NPAS3: variants seen among roughly 807,000 people sequenced by gnomAD.
NPAS3 encodes the protein neuronal PAS domain protein 3.
A neutral mutation model predicts 73.1 loss-of-function variants in NPAS3; 14 were observed. The observed-to-expected ratio is 0.19, with a 90% CI of 0.13 to 0.30. The LOEUF (loss-of-function observed/expected upper bound fraction) is 0.30. Ranked by LOEUF, NPAS3 falls within the 10% of genes least tolerant of loss-of-function variation. NPAS3 has a pLI of 1.00. For synonymous variants in NPAS3, 620 were observed against 541.5 expected, an observed-to-expected ratio of 1.14 and a Z score of -2.01; for missense variants, 1,096 against 1,250.0, an observed-to-expected ratio of 0.88 and a Z score of 1.86.
chr14:33,502,536 A>G (rs757227017), intron 4 of NPAS3, among the ~76,000 whole-genome samples: 4 of 151,968 alleles, frequency 2.6e-5, no homozygotes, highest in Non-Finnish European at 5.9e-5. Flanking sequence ...GCCCAAAATA[A>G]AATGATTGCA....
intron 7 of NPAS3, among the ~76,000 whole-genome samples, chr14:33,772,617 A>T (rs953107202): frequency 6.6e-6 from 1 of 152,254 alleles, no homozygotes; most frequent in Non-Finnish European, 1.5e-5. Flanking sequence ...AACAAGACAG[A>T]TAATGATAAA....
intron 4 of NPAS3, among the ~76,000 whole-genome samples, chr14:33,475,849 C>G (rs925768506): frequency 1.3e-5 from 2 of 152,112 alleles, no homozygotes; most frequent in Non-Finnish European, 2.9e-5. Flanking sequence ...ATTCAGCCAC[C>G]AGAGGGGGCA....
Position 33,649,470 on chromosome 14 carries a change from G to C in NPAS3, c.559-26741G>C, listed in dbSNP as rs117251867. Reference sequence around the variant, plus strand: ...ACGGTACTGTAACAAATGTATAAAAGATGCTATTCCCATCTCATGTCACAA... The same window carrying C: ...ACGGTACTGTAACAAATGTATAAAACATGCTATTCCCATCTCATGTCACAA... On this transcript the variant is annotated intron_variant, in intron 5 of 11. Transcript: ENST00000356141. 2.3e-4 allele frequency among the ~76,000 whole-genome samples: 35 copies of C among 152,308 alleles called. 1 individual carries two copies. In the East Asian group the frequency reaches 6.8e-3, roughly 29 times the overall value.
Position 33,263,551 on chromosome 14 carries a change from C to T in NPAS3, c.385+48125C>T, listed in dbSNP as rs370169428. The stretch of plus-strand genomic sequence containing the variant: ...TGTAGTATAGTTTGAAGTCAGGTAG[C>T]GTGATGCCTCCAGCTTTGTTCTTTT... On this transcript the variant is annotated intron_variant, in intron 3 of 11. Coordinates refer to ENST00000356141, the Ensembl canonical transcript of NPAS3. 4.5e-3 allele frequency among the ~76,000 whole-genome samples: 678 copies of T among 152,150 alleles called. 3 individuals are homozygous for T. Among genetic ancestry groups the T allele is most frequent in the African/African-American group, 0.015 (640 of 41,492 alleles).
chr14:33,800,950 G>A lies in NPAS3; in HGVS notation c.2643G>A (p.Met881Ile). ...ACCACCACGTGCACCGGCTCAACAT[G>A]TCAGGACCGTTCGGCGGCGCAGTGA... is the stretch of plus-strand genomic sequence containing the variant. The change falls in exon 12 of 12, where the codon ATG becomes ATA. Residue 881 changes from methionine (M) to isoleucine (I), a missense_variant. By Grantham distance (10) the Met-to-Ile change is conservative (BLOSUM62 1). Coordinates refer to ENST00000356141, the Ensembl canonical transcript of NPAS3. The surrounding 1 kb of genome is among the most constrained non-coding windows in gnomAD (Gnocchi z 6.5). The A allele has an allele frequency of 6.2e-7, 1 of 1,605,016 alleles. No individual in the cohort carries two copies. The highest frequency in any genetic ancestry group is 8.5e-7 in the Non-Finnish European group (1 of 1,176,376).
chr14:33,522,261 T>G (rs73267050), intron 4 of NPAS3, among the ~76,000 whole-genome samples: 6,196 of 152,254 alleles, frequency 0.041, 383 homozygotes, highest in African/African-American at 0.14. Context: ...TCATATTTCA[T>G]ATGACCAGTA....
intron 1 of NPAS3, among the ~76,000 whole-genome samples, chr14:32,967,530 C>T (rs2037226391): frequency 6.6e-6 from 1 of 152,134 alleles, no homozygotes; most frequent in African/African-American, 2.4e-5. Flanking sequence ...GGCAAGACAT[C>T]TGAATAGCTA....
chr14:32,946,725 T>A (rs2139105349), intron 1 of NPAS3, among the ~76,000 whole-genome samples: 1 of 152,326 alleles, frequency 6.6e-6, no homozygotes, highest in African/African-American at 2.4e-5. Context: ...ATTGGATTCA[T>A]TTTTTACATT....
chr14:33,677,663 G>A (rs2059807604), intron 6 of NPAS3, among the ~76,000 whole-genome samples: 1 of 151,390 alleles, frequency 6.6e-6, no homozygotes, highest in African/African-American at 2.4e-5. Flanking sequence ...AGTATTTTAA[G>A]AACCAATCCA....
chr14:33,182,148 A>G (rs2045821050), intron 2 of NPAS3, among the ~76,000 whole-genome samples: 1 of 152,254 alleles, frequency 6.6e-6, no homozygotes, highest in African/African-American at 2.4e-5. Flanking sequence ...AAATCAATTG[A>G]ATGAATAAAC....
At chr14:33,434,634 T>TAAAA (rs2048910868) in intron 4 of NPAS3, among the ~76,000 whole-genome samples, 1 of 152,226 alleles carries the variant, frequency 6.6e-6, no homozygotes, top group Non-Finnish European at 1.5e-5. Flanking sequence ...ATTCACCCAT[T>TAAAA]AAAATTCACA....
chr14:33,697,298 G>A (rs1446681303), intron 6 of NPAS3, among the ~76,000 whole-genome samples: 1 of 152,150 alleles, frequency 6.6e-6, no homozygotes, highest in East Asian at 1.9e-4. Flanking sequence ...TTGCCCCCAG[G>A]CAGCTTGGAC....
chr14:33,161,045 C>T (rs11625732), intron 2 of NPAS3, among the ~76,000 whole-genome samples: 14,252 of 151,822 alleles, frequency 0.094, 736 homozygotes, highest in African/African-American at 0.14. Flanking sequence ...ATAACAGATA[C>T]TTTAGTATGC....
At chr14:33,690,871 TA>T (rs11361786) in intron 6 of NPAS3, among the ~76,000 whole-genome samples, 97,596 of 142,004 alleles carry the variant, frequency 0.69, 33,742 homozygotes, top group East Asian at 0.75. Context: ...TAAAATTTGT[TA>T]AAAAAAAAAA....
At chr14:33,348,399 C>G (rs1046222253) in intron 3 of NPAS3, among the ~76,000 whole-genome samples, 5 of 152,038 alleles carry the variant, frequency 3.3e-5, no homozygotes, top group African/African-American at 1.2e-4. Context: ...TGTCTTTAAA[C>G]CCTATGTAGA....
intron 4 of NPAS3, among the ~76,000 whole-genome samples, chr14:33,453,469 A>T (rs1200274447): frequency 6.6e-6 from 1 of 152,100 alleles, no homozygotes; most frequent in Non-Finnish European, 1.5e-5. Flanking sequence ...AATATTTCCT[A>T]TTATTTAGTA....
chr14:33,360,073 C>T (rs1302705999), intron 3 of NPAS3, among the ~76,000 whole-genome samples: 4 of 152,208 alleles, frequency 2.6e-5, no homozygotes, highest in African/African-American at 9.6e-5. Flanking sequence ...CACTGGCCTC[C>T]GCTGACACAC....
At chr14:33,507,879 C>T (rs972398031) in intron 4 of NPAS3, among the ~76,000 whole-genome samples, 7 of 151,860 alleles carry the variant, frequency 4.6e-5, no homozygotes, top group Middle Eastern at 3.2e-3. Flanking sequence ...TTTTGATGTG[C>T]GATTAGTTTC....
intron 2 of NPAS3, among the ~76,000 whole-genome samples, chr14:33,116,001 A>G (rs894309007): frequency 2.6e-5 from 4 of 152,142 alleles, no homozygotes; most frequent in Non-Finnish European, 4.4e-5. Context: ...ATGTTTCTGT[A>G]TCCATTATTT....
Sources: allele counts gnomAD v4.1 joint callset (sites outside exome capture counted in the v4.1 genomes callset), GRCh38; gene constraint gnomAD v4.1.1; non-coding constraint Gnocchi (gnomAD v3.1); transcripts MANE v1.5; gene names NCBI Gene and HGNC (gene_info 2026-07-23, HGNC 2026-07-21).